FKTN: variants seen among roughly 807,000 people sequenced by gnomAD.
The protein encoded by FKTN is fukutin, also known as ribitol-5-phosphate transferase FKTN.
In FKTN, 47 loss-of-function variants were observed where a neutral mutation model predicts 58.6. The ratio of observed to expected loss-of-function variants is 0.80; its 90% confidence interval spans 0.63 to 1.02. FKTN has a LOEUF of 1.02. Ranked by LOEUF, FKTN falls within the 50% of genes least tolerant of loss-of-function variation. The pLI, the probability that FKTN is intolerant of heterozygous loss-of-function variation, is 0.00. For missense variants in FKTN, 516 were observed against 537.3 expected (o/e 0.96, Z 0.39); for synonymous variants, 178 against 191.9 (o/e 0.93, Z 0.60).
intron 10 of FKTN, among the ~76,000 whole-genome samples, chr9:105,627,774 T>G (rs1832911285): frequency 6.6e-6 from 1 of 152,178 alleles, no homozygotes; most frequent in African/African-American, 2.4e-5. Flanking sequence ...TCTCTCATGC[T>G]TTATTGGAGT....
At position 105,635,734 on chromosome 9, in the gene FKTN, T is replaced by C; in HGVS notation, c.*470T>C. The C allele has an allele frequency of 9.8e-7, 1 of 1,020,446 alleles. No individual in the cohort carries two copies. Among genetic ancestry groups the C allele is most frequent in the Non-Finnish European group, 1.2e-6 (1 of 850,288 alleles). The allele number at this position is 1,020,446 out of a possible 1,614,324, so 63.2% of individuals were successfully genotyped here. ...TAGTGCTACTTTTAAGATTGTGGAG[T>C]CTGAGTTAATATTCAAGTGATCAGA... On this transcript the variant is annotated 3_prime_UTR_variant, in exon 11 of 11. Transcript: ENST00000357998.
chr9:105,607,376 A>C (rs527508096), intron 6 of FKTN, among the ~76,000 whole-genome samples: 1 of 152,168 alleles, frequency 6.6e-6, no homozygotes, highest in Non-Finnish European at 1.5e-5. Context: ...TAAAATGCCA[A>C]GTGTGTATGA....
chr9:105,559,450 G>A (rs1403180976), intron 1 of FKTN, among the ~76,000 whole-genome samples: 4 of 152,224 alleles, frequency 2.6e-5, no homozygotes, highest in African/African-American at 7.2e-5. Context: ...GGGAGGCTGA[G>A]GCGGGTGGAT....
At position 105,575,144 on chromosome 9, in the gene FKTN, T is replaced by G; in HGVS notation, c.105+7T>G. The G allele has an allele frequency of 1.4e-6, 2 of 1,398,234 alleles. No individual in the cohort carries two copies. Among genetic ancestry groups the G allele is most frequent in the Non-Finnish European group, 2.0e-6 (2 of 983,130 alleles). The allele number at this position is 1,398,234 out of a possible 1,614,324, so 86.6% of individuals were successfully genotyped here. A position where few individuals can be genotyped will look rare whatever the true frequency, so the allele number is the denominator to read the frequency against. On this transcript the variant is annotated splice_region_variant and intron_variant, in intron 3 of 10. Transcript: ENST00000357998. ...GCACTATTTATCAACAAAGGTAATT[T>G]TATTCCTTCTTTCTTATCATTCCTC...
intron 10 of FKTN, among the ~76,000 whole-genome samples, chr9:105,620,832 A>G (rs1315129539): frequency 1.3e-5 from 2 of 148,248 alleles, no homozygotes; most frequent in African/African-American, 2.5e-5. Flanking sequence ...AAAGAAAACT[A>G]TTTCTCTTCT....
chr9:105,609,982 A>G (rs1278676104), intron 7 of FKTN, among the ~76,000 whole-genome samples: 1 of 152,224 alleles, frequency 6.6e-6, no homozygotes, highest in African/African-American at 2.4e-5. Context: ...ATCAATATAA[A>G]TAAATTCATG....
chr9:105,559,712 A>G (rs1455693080), intron 1 of FKTN, among the ~76,000 whole-genome samples: 1 of 152,104 alleles, frequency 6.6e-6, no homozygotes, highest in Non-Finnish European at 1.5e-5. Flanking sequence ...AATTTTGAAC[A>G]TGTTAAATTT....
chr9:105,591,511 C>T (rs754986162), intron 3 of FKTN, among the ~76,000 whole-genome samples: 24 of 152,214 alleles, frequency 1.6e-4, no homozygotes, highest in Non-Finnish European at 2.6e-4. Flanking sequence ...CTCCATGTCT[C>T]ATGTCCAGGG....
chr9:105,610,448 TC>T (rs1345012636), intron 7 of FKTN, among the ~76,000 whole-genome samples: 1 of 152,068 alleles, frequency 6.6e-6, no homozygotes, highest in African/African-American at 2.4e-5. Flanking sequence ...GACTCCCTTT[TC>T]AAATCGTGAG....
At chr9:105,589,410 G>A (rs1343587839) in intron 3 of FKTN, among the ~76,000 whole-genome samples, 2 of 151,746 alleles carry the variant, frequency 1.3e-5, no homozygotes, top group African/African-American at 2.4e-5. Flanking sequence ...GCTGAGGCAC[G>A]AGAATCGCTT....
intron 3 of FKTN, among the ~76,000 whole-genome samples, chr9:105,594,180 A>C (rs907422175): frequency 6.6e-6 from 1 of 152,218 alleles, no homozygotes; most frequent in African/African-American, 2.4e-5. Flanking sequence ...AGATAGGAAC[A>C]TAGACAATTC....
At chr9:105,567,445 C>G (rs1033277529) in intron 1 of FKTN, among the ~76,000 whole-genome samples, 4 of 152,178 alleles carry the variant, frequency 2.6e-5, no homozygotes, top group African/African-American at 7.2e-5. Context: ...GCAACTTCAG[C>G]AAAGTCTCAG....
Position 105,615,290 on chromosome 9 carries a change from G to C in FKTN, c.793G>C (p.Asp265His), listed in dbSNP as rs1372525892. 1 of 1,613,922 alleles carries C rather than the reference G, an allele frequency of 6.2e-7. No homozygotes were observed. Among genetic ancestry groups the C allele is most frequent in the African/African-American group, 1.3e-5 (1 of 74,938 alleles). The change falls in exon 8 of 11, where the codon GAT (aspartate) becomes CAT (histidine). Residue 265 changes from aspartate to histidine, a missense_variant. Transcript: ENST00000357998. ...ARAFFQQYLD[D>H]NTVEAVAFRK... is the part of the protein sequence containing the mutation. ...ATTATATCTGTAGCAGTACCTTGATGATAACACTGTGGAAGCTGTGGCCTT... is the reference window on the plus strand; with the variant it reads ...ATTATATCTGTAGCAGTACCTTGATCATAACACTGTGGAAGCTGTGGCCTT...
chr9:105,609,199 C>T (rs925156412), intron 7 of FKTN, among the ~76,000 whole-genome samples: 4 of 151,996 alleles, frequency 2.6e-5, no homozygotes, highest in Admixed American at 1.3e-4. Context: ...CACTTGATGG[C>T]GCCAAACAGT....
intron 10 of FKTN, among the ~76,000 whole-genome samples, chr9:105,628,125 A>G (rs1393254751): frequency 6.6e-6 from 1 of 152,216 alleles, no homozygotes; most frequent in Non-Finnish European, 1.5e-5. Flanking sequence ...ACTCCAAGAA[A>G]CACATTTGTC....
At chr9:105,567,721 G>A (rs1839935852) in intron 1 of FKTN, among the ~76,000 whole-genome samples, 1 of 152,140 alleles carries the variant, frequency 6.6e-6, no homozygotes, top group African/African-American at 2.4e-5. Flanking sequence ...ACTGCCCAAG[G>A]TAATTTATAG....
At chr9:105,579,437 C>T (rs1842426268) in intron 3 of FKTN, among the ~76,000 whole-genome samples, 1 of 151,870 alleles carries the variant, frequency 6.6e-6, no homozygotes, top group Non-Finnish European at 1.5e-5. Flanking sequence ...AGTAGTCATT[C>T]AGGAGCAGGT....
rs1554757882 is a variant in FKTN, at chr9:105,615,364, C to T, written c.867C>T (p.Asn289=). The T allele has an allele frequency of 1.2e-6, 2 of 1,613,974 alleles. No homozygotes were observed. Among genetic ancestry groups the T allele is most frequent in the Non-Finnish European group, 1.7e-6 (2 of 1,179,854 alleles). ...ELLQLAAKTL[N]KLGVPFWLSS... ...TGCAACTAGCAGCGAAAACATTAAA[C>T]AAATTGGGAGTACCATTCTGGCTGA... The change falls in exon 8 of 11, where the codon AAC becomes AAT. Residue 289 remains asparagine, a synonymous_variant. Transcript: ENST00000357998.
chr9:105,593,382 C>T (rs1189098871), intron 3 of FKTN, among the ~76,000 whole-genome samples: 1 of 152,194 alleles, frequency 6.6e-6, no homozygotes, highest in Admixed American at 6.5e-5. Context: ...CCAGGTACTG[C>T]CTCCAACACT....
Sources: allele counts gnomAD v4.1 joint callset (sites outside exome capture counted in the v4.1 genomes callset), GRCh38; gene constraint gnomAD v4.1.1; transcripts MANE v1.5; gene names NCBI Gene and HGNC (gene_info 2026-07-23, HGNC 2026-07-21).